Variants in ZC3H12B observed in about 807,000 individuals in gnomAD.
The protein encoded by ZC3H12B is probable ribonuclease ZC3H12B.
A neutral mutation model predicts 43.9 loss-of-function variants in ZC3H12B; 7 were observed. That is an observed-to-expected ratio of 0.16 (90% CI 0.09 to 0.30). ZC3H12B has a LOEUF of 0.30. Among genes scored for constraint, ZC3H12B ranks in the 10% least tolerant of loss-of-function variants. ZC3H12B has a pLI of 1.00. For missense variants in ZC3H12B, 475 were observed against 670.2 expected (o/e 0.71, Z 3.22); for synonymous variants, 222 against 241.7 (o/e 0.92, Z 0.76).
At chrX:65,153,630 T>G in the ZC3H12B span, among the ~76,000 whole-genome samples, 2 of 112,058 alleles carry the variant, frequency 1.8e-5, no homozygotes, top group East Asian at 5.6e-4. Context: ...ACACTGTTGG[T>G]GGGACTGTAA....
the ZC3H12B span, among the ~76,000 whole-genome samples, chrX:65,280,582 G>A: frequency 1.8e-5 from 2 of 111,720 alleles, no homozygotes; most frequent in Non-Finnish European, 3.8e-5. Context: ...TTGTAAAGAA[G>A]GTAGTAAAAT....
chrX:65,153,649 A>C, the ZC3H12B span, among the ~76,000 whole-genome samples: 1 of 112,290 alleles, frequency 8.9e-6, no homozygotes, highest in African/African-American at 3.2e-5. Flanking sequence ...AAACTAGTTC[A>C]ACCATTGTGG....
the ZC3H12B span, among the ~76,000 whole-genome samples, chrX:65,280,091 A>T: frequency 8.9e-6 from 1 of 112,269 alleles, no homozygotes; most frequent in East Asian, 2.8e-4. Flanking sequence ...GCAAGCAAGG[A>T]CACAACAAAA....
intron 3 of ZC3H12B, among the ~76,000 whole-genome samples, chrX:65,460,471 A>G (rs1463499812): frequency 8.9e-6 from 1 of 112,155 alleles, no homozygotes; most frequent in Non-Finnish European, 1.9e-5. Context: ...CTACAAGGCT[A>G]CAGTAACCAA....
chrX:65,472,860 G>T (rs866413060), intron 3 of ZC3H12B, among the ~76,000 whole-genome samples: 15 of 60,405 alleles, frequency 2.5e-4, no homozygotes, highest in Non-Finnish European at 2.6e-4. Flanking sequence ...ATATATATAT[G>T]TTTGTGTATA....
At chrX:65,118,526 C>G in the ZC3H12B span, among the ~76,000 whole-genome samples, 1 of 111,411 alleles carries the variant, frequency 9.0e-6, no homozygotes, top group South Asian at 3.7e-4. Flanking sequence ...AATTTGACTT[C>G]CTCTTTTCCT....
At chrX:65,058,683 A>G in the ZC3H12B span, among the ~76,000 whole-genome samples, 1 of 111,967 alleles carries the variant, frequency 8.9e-6, no homozygotes. Flanking sequence ...GGTGGAGTCT[A>G]CAGAGTCAGG....
the ZC3H12B span, among the ~76,000 whole-genome samples, chrX:65,152,347 C>T: frequency 1.8e-5 from 2 of 111,495 alleles, no homozygotes; most frequent in Non-Finnish European, 3.8e-5. Flanking sequence ...TGTCTCAGCC[C>T]AAAATCTCCT....
the ZC3H12B span, among the ~76,000 whole-genome samples, chrX:65,182,080 G>A: frequency 9.0e-6 from 1 of 111,648 alleles, no homozygotes. Context: ...CCATCAAAAA[G>A]AATGAGTTCA....
At chrX:65,293,873 T>A in the ZC3H12B span, among the ~76,000 whole-genome samples, 1 of 111,442 alleles carries the variant, frequency 9.0e-6, no homozygotes, top group East Asian at 2.8e-4. Flanking sequence ...TGACCAAACC[T>A]AAGAATAATT....
At chrX:65,102,942 G>T in the ZC3H12B span, among the ~76,000 whole-genome samples, 1 of 111,343 alleles carries the variant, frequency 9.0e-6, no homozygotes, top group African/African-American at 3.3e-5. Context: ...TGCTTCAAGG[G>T]CAATAAAATA....
intron 4 of ZC3H12B, among the ~76,000 whole-genome samples, chrX:65,500,296 C>A (rs2068346842): frequency 8.9e-6 from 1 of 112,484 alleles, no homozygotes; most frequent in African/African-American, 3.2e-5. Context: ...ATCTATATGG[C>A]CTGTGGAAGT....
the ZC3H12B span, among the ~76,000 whole-genome samples, chrX:65,194,881 T>A: frequency 1.8e-5 from 2 of 112,227 alleles, no homozygotes; most frequent in Admixed American, 1.9e-4. Flanking sequence ...AAAATTGTGA[T>A]ATCTTCTTCC....
chrX:65,149,433 T>C, the ZC3H12B span, among the ~76,000 whole-genome samples: 1 of 111,730 alleles, frequency 9.0e-6, no homozygotes, highest in Non-Finnish European at 1.9e-5. Context: ...TAGCAGATAG[T>C]TATTTAACAT....
intron 3 of ZC3H12B, among the ~76,000 whole-genome samples, chrX:65,399,006 A>T (rs1450477454): frequency 1.8e-5 from 2 of 112,209 alleles, no homozygotes; most frequent in African/African-American, 6.5e-5. Flanking sequence ...CCGGTCTCTC[A>T]CCATATACAA....
the ZC3H12B span, among the ~76,000 whole-genome samples, chrX:65,207,068 A>T: frequency 9.1e-6 from 1 of 110,042 alleles, no homozygotes; most frequent in African/African-American, 3.3e-5. Flanking sequence ...GGGAATGAGA[A>T]CTAATACAGC....
the ZC3H12B span, among the ~76,000 whole-genome samples, chrX:65,095,842 G>T: frequency 1.8e-5 from 2 of 110,647 alleles, no homozygotes; most frequent in Non-Finnish European, 3.8e-5. Context: ...ACAGTGCAGG[G>T]GGCCATGCTC....
chrX:65,058,456 A>G, the ZC3H12B span, among the ~76,000 whole-genome samples: 1 of 111,725 alleles, frequency 9.0e-6, no homozygotes, highest in East Asian at 2.8e-4. Flanking sequence ...CAGAGGGGTA[A>G]CCAGCCATGT....
intron 3 of ZC3H12B, among the ~76,000 whole-genome samples, chrX:65,421,875 C>A (rs867909906): frequency 4.6e-4 from 50 of 107,661 alleles, no homozygotes; most frequent in Middle Eastern, 4.8e-3. Context: ...GTGAACCGGG[C>A]AGGCGGAGCT....
Sources: allele counts gnomAD v4.1 joint callset (sites outside exome capture counted in the v4.1 genomes callset), GRCh38; gene constraint gnomAD v4.1.1; transcripts MANE v1.5; gene names NCBI Gene and HGNC (gene_info 2026-07-23, HGNC 2026-07-21).